Variants in COMT observed in about 807,000 individuals in gnomAD.
COMT encodes catechol-O-methyltransferase, also known as catechol O-methyltransferase.
COMT carries 13 observed loss-of-function variants against 18.9 expected under a neutral mutation model. The ratio of observed to expected loss-of-function variants is 0.69; its 90% CI spans 0.45 to 1.09. The LOEUF (loss-of-function observed/expected upper bound fraction) is 1.09, where lower values mean the gene tolerates loss of function less well. Ranked by LOEUF, COMT falls within the 50% of genes least tolerant of loss-of-function variation. COMT has a pLI of 0.00. For synonymous variants in COMT, 150 were observed against 160.9 expected, an observed-to-expected ratio of 0.93 and a Z score of 0.51; for missense variants, 329 against 361.8, an observed-to-expected ratio of 0.91 and a Z score of 0.73.
intron 1 of COMT, among the ~76,000 whole-genome samples, chr22:19,952,973 TAAATAAATAAATAAATAAATAAATAAATA>T (rs1221037781): frequency 2.1e-4 from 22 of 103,968 alleles, no homozygotes; most frequent in African/African-American, 5.0e-4. Flanking sequence ...AATAAATAAA[TAAATAAATAAATAAATAAATAAATAAATA>T]AATAAAATGA....
intron 1 of COMT, among the ~76,000 whole-genome samples, chr22:19,954,277 C>T (rs954739933): frequency 1.3e-5 from 2 of 151,040 alleles, no homozygotes; most frequent in African/African-American, 4.9e-5. Context: ...GGATACCAGG[C>T]GGGGGAGGCT....
intron 1 of COMT, among the ~76,000 whole-genome samples, chr22:19,955,198 G>C (rs1338416548): frequency 6.6e-6 from 1 of 152,142 alleles, no homozygotes; most frequent in African/African-American, 2.4e-5. Flanking sequence ...TTAAACTTCT[G>C]GTCATTCCTT....
At chr22:19,943,280 G>A (rs1278412016) in intron 1 of COMT, among the ~76,000 whole-genome samples, 3 of 152,162 alleles carry the variant, frequency 2.0e-5, no homozygotes, top group Admixed American at 6.5e-5. Context: ...AACTACCAGC[G>A]GGACCATCTG....
chr22:19,956,370 CTTT>C (rs361698), intron 1 of COMT, among the ~76,000 whole-genome samples: 2 of 47,348 alleles, frequency 4.2e-5, no homozygotes, highest in Middle Eastern at 0.02. Context: ...CTTGAGCTCT[CTTT>C]TTTTTTTTTT....
At chr22:19,964,376 G>T (rs758079572) in intron 5 of COMT, 77 bp downstream of exon 5, 1 of 1,601,716 alleles carries the variant, frequency 6.2e-7, no homozygotes, top group African/African-American at 1.3e-5. Flanking sequence ...TCTCCAAAGA[G>T]CCAGGCATTC....
At chr22:19,957,608 C>T (rs1601520715) in intron 1 of COMT, among the ~76,000 whole-genome samples, 1 of 152,262 alleles carries the variant, frequency 6.6e-6, no homozygotes, top group African/African-American at 2.4e-5. Flanking sequence ...TCAAGCCCAG[C>T]TGCCTGTGTC....
chr22:19,968,192 C>G (rs927780429), intron 5 of COMT, among the ~76,000 whole-genome samples: 4 of 152,214 alleles, frequency 2.6e-5, no homozygotes, highest in South Asian at 4.1e-4. Context: ...GTTCCTGGCA[C>G]TGGGTGTTGA....
intron 1 of COMT, among the ~76,000 whole-genome samples, chr22:19,943,726 G>C (rs986680026): frequency 6.6e-6 from 1 of 152,142 alleles, no homozygotes; most frequent in African/African-American, 2.4e-5. Flanking sequence ...GATAAACCCA[G>C]TTTTTGAGCC....
At chr22:19,942,032 T>G in intron 1 of COMT, 135 bp downstream of exon 1, 6 of 375,684 alleles carry the variant, frequency 1.6e-5, no homozygotes, top group African/African-American at 2.2e-5. Flanking sequence ...GGTGGGAGTC[T>G]CCGGACTTGG....
At position 19,956,378 on chromosome 22, in the gene COMT, T is replaced by TA. The variant is rs1258830462; in HGVS notation, c.-91-4821_-91-4820insA. 6.0e-5 allele frequency among the ~76,000 whole-genome samples: 8 copies of TA among 132,806 alleles called. 1 individual carries two copies. Among genetic ancestry groups the TA allele is most frequent in the African/African-American group, 2.3e-4 (8 of 35,458 alleles). The allele number at this position is 132,806 out of a possible 152,430, so 87.1% of individuals were successfully genotyped here. A position where few individuals can be genotyped will look rare whatever the true frequency, so the allele number is the denominator to read the frequency against. On this transcript the variant is annotated intron_variant, in intron 1 of 5. Transcript: ENST00000361682. Reference sequence around the variant, plus strand: ...GGATGGTCTTGAGCTCTCTTTTTTTTTTTTTTTTTTTTTTTTGAGACGGAG... The same window carrying TA: ...GGATGGTCTTGAGCTCTCTTTTTTTTATTTTTTTTTTTTTTTTGAGACGGAG...
intron 1 of COMT, among the ~76,000 whole-genome samples, chr22:19,958,180 T>C (rs1310644858): frequency 6.6e-6 from 1 of 151,090 alleles, no homozygotes; most frequent in Non-Finnish European, 1.5e-5. Context: ...TTTTTTTTTT[T>C]TTGAGACGGG....
At chr22:19,944,166 A>G (rs1276570133) in intron 1 of COMT, among the ~76,000 whole-genome samples, 1 of 152,208 alleles carries the variant, frequency 6.6e-6, no homozygotes, top group African/African-American at 2.4e-5. Context: ...AGGTAGCCAG[A>G]TACTGAAGGA....
At chr22:19,962,495 A>C in intron 2 of COMT, 32 bp from the exon 3 acceptor site, 2 of 1,546,882 alleles carry the variant, frequency 1.3e-6, no homozygotes, top group Non-Finnish European at 1.7e-6. Context: ...AGGAGCACAG[A>C]GCACTGGCGC....
At position 19,962,734 on chromosome 22, in the gene COMT, G is replaced by T. The variant is rs149909767; in HGVS notation, c.208G>T (p.Gly70Trp). Reference protein sequence around the residue: ...LNHVLQHAEPGNAQSVLEAID... With the variant: ...LNHVLQHAEPWNAQSVLEAID... ...CCACGTGCTGCAGCATGCGGAGCCC[G>T]GGAACGCACAGAGCGTGCTGGAGGC... Residue 70 changes from glycine (G) to tryptophan (W), a missense_variant, in exon 3 of 6, where the codon GGG becomes TGG. Coordinates refer to ENST00000361682, the MANE Select transcript of COMT (RefSeq NM_000754.4). The T allele has an allele frequency of 3.7e-6, 6 of 1,613,752 alleles. No individual in the cohort carries two copies. The East Asian group carries it at 1.1e-4, about 30-fold the overall frequency.
intron 1 of COMT, among the ~76,000 whole-genome samples, chr22:19,958,467 A>G (rs1360502523): frequency 6.6e-6 from 1 of 151,522 alleles, no homozygotes; most frequent in Non-Finnish European, 1.5e-5. Flanking sequence ...GTCTGACCAC[A>G]TGTTTAACTT....
At chr22:19,964,782 C>A in intron 5 of COMT, 1 of 365,854 alleles carries the variant, frequency 2.7e-6, no homozygotes, top group Non-Finnish European at 5.2e-6. Context: ...ACCCTGAGTG[C>A]CCCGAGTGAG....
At chr22:19,964,352 A>T in intron 5 of COMT, 53 bp downstream of exon 5, 1 of 1,612,910 alleles carries the variant, frequency 6.2e-7, no homozygotes, top group Non-Finnish European at 8.5e-7. Context: ...GAGCCCATTC[A>T]GTCAGCCTCA....
intron 5 of COMT, among the ~76,000 whole-genome samples, chr22:19,966,131 A>G (rs1942376135): frequency 6.6e-6 from 1 of 152,220 alleles, no homozygotes; most frequent in Non-Finnish European, 1.5e-5. Flanking sequence ...AATTATCTCA[A>G]AAGAAGCAAA....
chr22:19,945,340 G>T (rs1941819300), intron 1 of COMT, among the ~76,000 whole-genome samples: 1 of 152,172 alleles, frequency 6.6e-6, no homozygotes, highest in Non-Finnish European at 1.5e-5. Context: ...AGAGCTCTTT[G>T]TAAGCAATGG....
Sources: allele counts gnomAD v4.1 joint callset (sites outside exome capture counted in the v4.1 genomes callset), GRCh38; gene constraint gnomAD v4.1.1; transcripts MANE v1.5; gene names NCBI Gene and HGNC (gene_info 2026-07-23, HGNC 2026-07-21).